Variants in SIPA1L3 observed in about 807,000 individuals in gnomAD.
SIPA1L3 encodes signal induced proliferation associated 1 like 3, also known as signal-induced proliferation-associated 1-like protein 3.
A neutral mutation model predicts 150.1 loss-of-function variants in SIPA1L3; 59 were observed. That is an observed-to-expected ratio of 0.39 (90% CI 0.32 to 0.49). The LOEUF is 0.49. SIPA1L3 is among the 20% of genes least tolerant of loss of function. The pLI is 0.86. For synonymous variants in SIPA1L3, 1,070 were observed against 1,077.6 expected (o/e 0.99, Z 0.14); for missense variants, 2,211 against 2,489.5 (o/e 0.89, Z 2.38).
At chr19:37,984,316 GAGA>G (rs1196514139) in intron 1 of SIPA1L3, among the ~76,000 whole-genome samples, 2 of 152,190 alleles carry the variant, frequency 1.3e-5, no homozygotes, top group African/African-American at 2.4e-5. Flanking sequence ...CGGGTGGAGT[GAGA>G]AGAAGCATAC....
intron 10 of SIPA1L3, among the ~76,000 whole-genome samples, chr19:38,131,142 A>G (rs529514180): frequency 1.3e-5 from 2 of 152,304 alleles, no homozygotes; most frequent in Admixed American, 1.3e-4. Flanking sequence ...ACTGTGTGCA[A>G]GCTCTGTTCA....
chr19:38,203,438 CAACTCCAAGCAGGA>C (rs1973133849), intron 20 of SIPA1L3, among the ~76,000 whole-genome samples: 1 of 152,158 alleles, frequency 6.6e-6, no homozygotes, highest in Non-Finnish European at 1.5e-5. Context: ...CCTTCAGCCC[CAACTCCAAGCAGGA>C]AAGGGCTGCG....
chr19:37,937,483 A>G (rs2046610593), intron 1 of SIPA1L3, among the ~76,000 whole-genome samples: 1 of 151,928 alleles, frequency 6.6e-6, no homozygotes, highest in African/African-American at 2.4e-5. Context: ...TCATGTGTGT[A>G]ATCCCAGCAC....
intron 6 of SIPA1L3, among the ~76,000 whole-genome samples, chr19:38,101,923 T>C (rs922255720): frequency 6.6e-5 from 10 of 152,230 alleles, no homozygotes; most frequent in African/African-American, 2.4e-4. Flanking sequence ...GGAGATGAAC[T>C]GGCACCACAG....
chr19:38,108,844 C>G (rs1970677373), intron 7 of SIPA1L3, among the ~76,000 whole-genome samples: 1 of 152,110 alleles, frequency 6.6e-6, no homozygotes, highest in African/African-American at 2.4e-5. Flanking sequence ...ACAAAATTAA[C>G]TGGGCGTGGT....
chr19:38,071,481 G>A (rs1474647419), intron 2 of SIPA1L3, among the ~76,000 whole-genome samples: 2 of 152,114 alleles, frequency 1.3e-5, no homozygotes, highest in Non-Finnish European at 2.9e-5. Context: ...TGGACACGGG[G>A]TTTTACCTTG....
chr19:37,955,626 A>G (rs2046803776), intron 1 of SIPA1L3, among the ~76,000 whole-genome samples: 1 of 152,128 alleles, frequency 6.6e-6, no homozygotes, highest in South Asian at 2.1e-4. Context: ...GTCATACAGT[A>G]TGTAGTCTTT....
intron 18 of SIPA1L3, among the ~76,000 whole-genome samples, chr19:38,195,793 T>TCCCCCCCCCCCCCCCCCCC (rs528922318): frequency 5.0e-5 from 1 of 20,028 alleles, no homozygotes; most frequent in Non-Finnish European, 9.5e-5. Flanking sequence ...ACAGGCCCCG[T>TCCCCCCCCCCCCCCCCCCC]CCCCCCCCGC....
chr19:38,027,275 A>C (rs1968536348), intron 1 of SIPA1L3, among the ~76,000 whole-genome samples: 1 of 152,098 alleles, frequency 6.6e-6, no homozygotes, highest in Non-Finnish European at 1.5e-5. Flanking sequence ...GCAGTAGATC[A>C]AGACTCCATC....
At chr19:38,180,735 T>C (rs1354839596) in intron 15 of SIPA1L3, among the ~76,000 whole-genome samples, 1 of 151,592 alleles carries the variant, frequency 6.6e-6, no homozygotes, top group Non-Finnish European at 1.5e-5. Flanking sequence ...AGTAGAGATG[T>C]AGTTTCTCCA....
intron 1 of SIPA1L3, among the ~76,000 whole-genome samples, chr19:37,946,623 C>T (rs1375883442): frequency 6.6e-6 from 1 of 152,000 alleles, no homozygotes; most frequent in Non-Finnish European, 1.5e-5. Context: ...GATTTCTTTA[C>T]ATGTTGAAGA....
At chr19:38,073,866 G>T (rs118018909) in intron 2 of SIPA1L3, among the ~76,000 whole-genome samples, 1 of 152,216 alleles carries the variant, frequency 6.6e-6, no homozygotes, top group Non-Finnish European at 1.5e-5. Flanking sequence ...CCCACGTCCT[G>T]TGCCCACTCC....
intron 16 of SIPA1L3, among the ~76,000 whole-genome samples, chr19:38,191,428 C>A (rs1453056063): frequency 6.6e-6 from 1 of 150,566 alleles, no homozygotes; most frequent in African/African-American, 2.4e-5. Context: ...AAGCAAAAAA[C>A]ACACACACAC....
At chr19:38,008,201 A>C (rs1187592818) in intron 1 of SIPA1L3, among the ~76,000 whole-genome samples, 1 of 149,478 alleles carries the variant, frequency 6.7e-6, no homozygotes, top group Admixed American at 6.7e-5. Flanking sequence ...AAGAGGTGAG[A>C]AATCACCATA....
rs756684475 is a variant in SIPA1L3, at chr19:38,081,543, C to T, written c.-23C>T. ...GTGACACCACAGCGTACGGGGCCAGCAGCACTCCAGTGCCCGTGGACTATG... is the reference window on the plus strand; with the variant it reads ...GTGACACCACAGCGTACGGGGCCAGTAGCACTCCAGTGCCCGTGGACTATG... On this transcript the variant is annotated 5_prime_UTR_variant, in exon 3 of 22. Transcript: ENST00000222345. 12 of 1,552,542 alleles carry T rather than the reference C, an allele frequency of 7.7e-6. No homozygotes were observed. The highest frequency in any genetic ancestry group is 6.0e-5 in the South Asian group (5 of 83,006).
intron 1 of SIPA1L3, among the ~76,000 whole-genome samples, chr19:37,910,724 C>T (rs2046370352): frequency 6.6e-6 from 1 of 152,154 alleles, no homozygotes; most frequent in Non-Finnish European, 1.5e-5. Flanking sequence ...CCTGCCTCAG[C>T]CTCCTGAGTA....
At chr19:38,017,086 G>T (rs942037693) in intron 1 of SIPA1L3, among the ~76,000 whole-genome samples, 4 of 150,510 alleles carry the variant, frequency 2.7e-5, no homozygotes, top group Non-Finnish European at 5.9e-5. Context: ...TGATAGAGAC[G>T]GGGTTTCACC....
chr19:38,152,508 C>G (rs1971845022), intron 12 of SIPA1L3, among the ~76,000 whole-genome samples: 1 of 152,170 alleles, frequency 6.6e-6, no homozygotes, highest in Non-Finnish European at 1.5e-5. Context: ...CACCCCATGT[C>G]ACAGCCAGAA....
Position 38,192,157 on chromosome 19 carries a change from G to C in SIPA1L3, c.4443G>C (p.Thr1481=). 6.2e-7 allele frequency: 1 copy of C among 1,605,830 alleles called. No homozygotes were observed. The highest frequency in any genetic ancestry group is 8.5e-7 in the Non-Finnish European group (1 of 1,176,452). The change falls in exon 17 of 22, where the codon ACG becomes ACC. Residue 1481 remains threonine (T), a synonymous_variant. Transcript: ENST00000222345. The part of the protein sequence containing the change: ...PFSDPKKQVD[T]NTKNVFGQPR... ...GCTGTCATTCCAGGCAGGTGGACAC[G>C]AACACCAAAAATGTCTTTGGGCAAC...
Sources: gnomAD v4.1 joint callset for allele counts (sites outside exome capture counted in the v4.1 genomes callset) on GRCh38, gnomAD v4.1.1 for gene constraint, MANE v1.5 for transcripts, NCBI Gene and HGNC (gene_info 2026-07-23, HGNC 2026-07-21) for gene names.